Variants in MPRIP observed in about 807,000 individuals in gnomAD.
MPRIP encodes myosin phosphatase Rho-interacting protein.
In MPRIP, 59 loss-of-function variants were observed where a neutral mutation model predicts 234.9. That is an observed-to-expected ratio of 0.25 (90% confidence interval 0.20 to 0.31). The LOEUF (loss-of-function observed/expected upper bound fraction) is 0.31. Ranked by LOEUF, MPRIP falls within the 10% of genes least tolerant of loss-of-function variation. The probability of loss-of-function intolerance (pLI) is 1.00; values close to 1 mark genes in which losing one functional copy is unlikely to be tolerated. For missense variants in MPRIP, 2,436 were observed against 3,071.0 expected (o/e 0.79, Z 4.89); for synonymous variants, 1,144 against 1,263.9 (o/e 0.91, Z 2.01).
At chr17:17,068,377 T>A (rs2089105723) in intron 1 of MPRIP, among the ~76,000 whole-genome samples, 1 of 152,142 alleles carries the variant, frequency 6.6e-6, no homozygotes, top group Non-Finnish European at 1.5e-5. Context: ...CTCGAACTCC[T>A]GACCTCAGGT....
rs566724482 is a variant in MPRIP, at chr17:17,111,514, G to A, written c.268-15188G>A. Among the ~76,000 whole-genome samples, 3 of 152,358 alleles carry A rather than the reference G, an allele frequency of 2.0e-5. No homozygotes were observed. In the East Asian group the frequency reaches 5.8e-4, roughly 29 times the overall value. On this transcript the variant is annotated intron_variant, in intron 3 of 23. Coordinates refer to ENST00000651222, the MANE Select transcript of MPRIP (RefSeq NM_001364716.4). ...CCTGGGCACCTGCCTGCTGGCCTGT[G>A]TGTCCAGGGGGGTCTCTGTTTTCTG...
intron 1 of MPRIP, among the ~76,000 whole-genome samples, chr17:17,070,200 T>C (rs537452061): frequency 1.3e-5 from 2 of 152,342 alleles, no homozygotes; most frequent in South Asian, 4.1e-4. Context: ...GCTTTCTTTG[T>C]CTTTTAGGTT....
At chr17:17,152,677 G>T (rs943100065) in intron 12 of MPRIP, among the ~76,000 whole-genome samples, 2 of 152,232 alleles carry the variant, frequency 1.3e-5, no homozygotes, top group African/African-American at 2.4e-5. Context: ...AGTCAGGTTG[G>T]CGCTGGTCCA....
chr17:17,120,813 C>T (rs1210451370), intron 3 of MPRIP, among the ~76,000 whole-genome samples: 1 of 152,200 alleles, frequency 6.6e-6, no homozygotes, highest in Non-Finnish European at 1.5e-5. Context: ...TTGCTGACAG[C>T]GTTAGAGCTG....
At chr17:17,181,011 C>T (rs549948173) in intron 23 of MPRIP, among the ~76,000 whole-genome samples, 4 of 152,348 alleles carry the variant, frequency 2.6e-5, no homozygotes, top group Admixed American at 1.3e-4. Flanking sequence ...GATGTCCACA[C>T]TGGCAAGTGA....
chr17:17,149,991 T>C (rs1597464281), intron 11 of MPRIP, 153 bp from the exon 12 acceptor site: 2 of 626,584 alleles, frequency 3.2e-6, no homozygotes, highest in Non-Finnish European at 2.9e-6. Context: ...GGGGCCTGGG[T>C]CATGCAGTAG....
intron 17 of MPRIP, 91 bp from the exon 18 acceptor site, chr17:17,172,607 C>T (rs528027227): frequency 5.0e-5 from 46 of 924,020 alleles, no homozygotes; most frequent in East Asian, 2.7e-4. Flanking sequence ...CAGTGGCAGG[C>T]GCCATCCCAT....
At chr17:17,097,073 G>A (rs1192923636) in intron 3 of MPRIP, 2 of 214,774 alleles carry the variant, frequency 9.3e-6, no homozygotes, top group African/African-American at 4.5e-5. Flanking sequence ...CAGGAAGGGA[G>A]TGTCACATGC....
chr17:17,150,000 A>G, intron 11 of MPRIP, 144 bp from the exon 12 acceptor site: 1 of 653,834 alleles, frequency 1.5e-6, no homozygotes, highest in Non-Finnish European at 2.8e-6. Flanking sequence ...GTCATGCAGT[A>G]GTAGGATAGA....
chr17:17,060,662 C>T (rs2088842045), intron 1 of MPRIP, among the ~76,000 whole-genome samples: 1 of 152,236 alleles, frequency 6.6e-6, no homozygotes. Flanking sequence ...GATGTATGTC[C>T]TCCCTGCAGA....
At chr17:17,153,804 C>A (rs1248945623) in intron 12 of MPRIP, among the ~76,000 whole-genome samples, 1 of 152,134 alleles carries the variant, frequency 6.6e-6, no homozygotes, top group African/African-American at 2.4e-5. Flanking sequence ...ACCAACAAGA[C>A]CCTGATACCC....
chr17:17,080,977 C>T (rs1029435823), intron 3 of MPRIP, among the ~76,000 whole-genome samples: 1 of 152,106 alleles, frequency 6.6e-6, no homozygotes, highest in Non-Finnish European at 1.5e-5. Context: ...CCAGGGAGCA[C>T]ATAGGTGGCA....
intron 1 of MPRIP, 53 bp from the exon 2 acceptor site, chr17:17,075,655 TTC>T: frequency 6.8e-7 from 1 of 1,481,450 alleles, no homozygotes; most frequent in Non-Finnish European, 9.4e-7. Flanking sequence ...ACTTGACCTG[TTC>T]TCTCTTCTGG....
chr17:17,044,147 A>T (rs2088270914), intron 1 of MPRIP, among the ~76,000 whole-genome samples: 1 of 152,214 alleles, frequency 6.6e-6, no homozygotes, highest in East Asian at 1.9e-4. Context: ...CCAGGAAAAG[A>T]TTCCTTTCAT....
At chr17:17,153,644 T>TG (rs1555585466) in intron 12 of MPRIP, among the ~76,000 whole-genome samples, 2 of 151,010 alleles carry the variant, frequency 1.3e-5, no homozygotes, top group Non-Finnish European at 3.0e-5. Flanking sequence ...CTAGGGCTTG[T>TG]CTAGGTGCTC....
chr17:17,061,374 A>G (rs1429271428), intron 1 of MPRIP, among the ~76,000 whole-genome samples: 1 of 152,250 alleles, frequency 6.6e-6, no homozygotes, highest in Non-Finnish European at 1.5e-5. Context: ...TGCAGAGAAC[A>G]TTATTAAACA....
At chr17:17,168,993 G>T in intron 16 of MPRIP, 1 of 456,914 alleles carries the variant, frequency 2.2e-6, no homozygotes, top group Non-Finnish European at 4.4e-6. Context: ...CAGCTCACAT[G>T]TCACCTCTGT....
At chr17:17,065,796 A>G (rs571679356) in intron 1 of MPRIP, among the ~76,000 whole-genome samples, 17 of 152,266 alleles carry the variant, frequency 1.1e-4, no homozygotes, top group African/African-American at 3.9e-4. Context: ...CGAACACATT[A>G]TGTCTCTCTT....
At position 17,165,529 on chromosome 17, in the gene MPRIP, G is replaced by A; in HGVS notation, c.3938G>A (p.Gly1313Glu). The A allele has an allele frequency of 7.7e-7, 1 of 1,304,452 alleles. No homozygotes were observed. The highest frequency in any genetic ancestry group is 1.0e-6 in the Non-Finnish European group (1 of 988,998). 80.8% of individuals were successfully genotyped at this position (1,304,452 alleles called of 1,614,324 possible). A position where few individuals can be genotyped will look rare whatever the true frequency, so the allele number is the denominator to read the frequency against. Residue 1313 changes from glycine to glutamate, a missense_variant, in exon 16 of 24, where the codon GGG becomes GAG. This residue lies in a region of MPRIP where 1,998 missense variants were observed against 2,520.3 expected (regional missense o/e 0.79). Coordinates refer to ENST00000651222, the MANE Select transcript of MPRIP (RefSeq NM_001364716.4). Reference protein sequence around the residue: ...HQQGTAKLDQGAPGVKRQRIR... With the variant: ...HQQGTAKLDQEAPGVKRQRIR... Reference sequence around the variant, plus strand: ...CAGGGCACAGCCAAACTCGACCAAGGGGCACCTGGTGTTAAAAGGCAAAGA... The same window carrying A: ...CAGGGCACAGCCAAACTCGACCAAGAGGCACCTGGTGTTAAAAGGCAAAGA...
Sources: allele counts gnomAD v4.1 joint callset (sites outside exome capture counted in the v4.1 genomes callset), GRCh38; gene constraint gnomAD v4.1.1; regional missense constraint gnomAD v4.1.1; transcripts MANE v1.5; gene names NCBI Gene and HGNC (gene_info 2026-07-23, HGNC 2026-07-21).